Variants in TMEM131 observed in about 807,000 individuals in gnomAD.
TMEM131 encodes 2610524E03Rik.
In TMEM131, 66 loss-of-function variants were observed where a neutral mutation model predicts 211.6. The observed-to-expected ratio is 0.31, with a 90% CI of 0.26 to 0.38. TMEM131 has a LOEUF of 0.38. TMEM131 is among the 10% of genes least tolerant of loss of function. The pLI is 1.00. For missense variants in TMEM131, 2,036 were observed against 2,299.3 expected (o/e 0.89, Z 2.34); for synonymous variants, 844 against 841.3 (o/e 1.00, Z -0.06).
chr2:97,923,375 C>T (rs1230787340), intron 2 of TMEM131, among the ~76,000 whole-genome samples: 1 of 152,088 alleles, frequency 6.6e-6, no homozygotes, highest in East Asian at 1.9e-4. Flanking sequence ...ATAATCCTAG[C>T]ATTTTGGGAG....
At chr2:97,841,527 C>T (rs941441844) in intron 7 of TMEM131, among the ~76,000 whole-genome samples, 2 of 152,144 alleles carry the variant, frequency 1.3e-5, no homozygotes, top group African/African-American at 4.8e-5. Flanking sequence ...TAGCTAAAAA[C>T]TCTTCTTTAA....
At chr2:97,899,769 T>C (rs909763018) in intron 3 of TMEM131, among the ~76,000 whole-genome samples, 5 of 152,114 alleles carry the variant, frequency 3.3e-5, no homozygotes, top group East Asian at 3.8e-4. Context: ...CTTTCCCTAT[T>C]TGACAAGTGA....
At chr2:97,818,882 A>G (rs1681978264) in intron 11 of TMEM131, among the ~76,000 whole-genome samples, 161 bp from the exon 12 acceptor site, 1 of 152,240 alleles carries the variant, frequency 6.6e-6, no homozygotes, top group Admixed American at 6.5e-5. Flanking sequence ...ACACTGGAAA[A>G]CTTCAAATTA....
chr2:97,909,249 G>A (rs1224460131), intron 2 of TMEM131, among the ~76,000 whole-genome samples: 2 of 152,138 alleles, frequency 1.3e-5, no homozygotes, highest in Non-Finnish European at 2.9e-5. Context: ...AAGCAGTGTG[G>A]CAGTGGGATG....
intron 2 of TMEM131, among the ~76,000 whole-genome samples, chr2:97,921,453 C>A (rs1676737050): frequency 1.3e-5 from 2 of 150,592 alleles, no homozygotes; most frequent in South Asian, 4.2e-4. Context: ...TTGAACAAGA[C>A]ACAAAATAAA....
At chr2:97,857,910 A>C (rs961129713) in intron 5 of TMEM131, among the ~76,000 whole-genome samples, 3 of 152,246 alleles carry the variant, frequency 2.0e-5, no homozygotes, top group Admixed American at 2.0e-4. Context: ...CTTTTAGATA[A>C]CAAAGAATAA....
At chr2:97,972,558 A>C (rs1365759991) in intron 1 of TMEM131, among the ~76,000 whole-genome samples, 4 of 151,978 alleles carry the variant, frequency 2.6e-5, no homozygotes, top group African/African-American at 7.3e-5. Flanking sequence ...AAAAACCATC[A>C]ATCTGTGGTG....
chr2:97,922,076 G>C (rs568275368), intron 2 of TMEM131, among the ~76,000 whole-genome samples: 1 of 152,170 alleles, frequency 6.6e-6, no homozygotes, highest in Non-Finnish European at 1.5e-5. Flanking sequence ...TTCCATGGAT[G>C]GGGGGTTAGC....
chr2:97,925,911 C>G (rs1676969260), intron 2 of TMEM131, among the ~76,000 whole-genome samples: 1 of 151,832 alleles, frequency 6.6e-6, no homozygotes, highest in African/African-American at 2.4e-5. Flanking sequence ...GAGATTGAGA[C>G]CATCCTGGCT....
chr2:97,931,363 T>G lies in TMEM131; in HGVS notation c.188-3876A>C, dbSNP rs1328041006. Among the ~76,000 whole-genome samples, 6 of 149,034 alleles carry G rather than the reference T, an allele frequency of 4.0e-5. 1 individual carries two copies. Among genetic ancestry groups the G allele is most frequent in the Admixed American group, 4.0e-4 (6 of 15,178 alleles). On this transcript the variant is annotated intron_variant, in intron 1 of 40. Transcript: ENST00000186436. ...GTCAGTTGTTTCAAAATAGGAACACTTGCTTTCAAAACAGAAGTTCACAAA... is the reference window on the plus strand; with the variant it reads ...GTCAGTTGTTTCAAAATAGGAACACGTGCTTTCAAAACAGAAGTTCACAAA...
At chr2:97,959,924 A>G (rs1298523469) in intron 1 of TMEM131, among the ~76,000 whole-genome samples, 1 of 152,172 alleles carries the variant, frequency 6.6e-6, no homozygotes, top group Non-Finnish European at 1.5e-5. Flanking sequence ...GAGAATCAAG[A>G]CCTAGTGTTT....
At chr2:97,964,329 C>T (rs1184251377) in intron 1 of TMEM131, among the ~76,000 whole-genome samples, 1 of 152,188 alleles carries the variant, frequency 6.6e-6, no homozygotes, top group East Asian at 1.9e-4. Context: ...TGTTTCCTTG[C>T]AATTTTGCTC....
At chr2:97,956,494 GATTTT>G (rs1037110455) in intron 1 of TMEM131, among the ~76,000 whole-genome samples, 5 of 151,496 alleles carry the variant, frequency 3.3e-5, no homozygotes, top group African/African-American at 1.2e-4. Flanking sequence ...TTAAAATTTC[GATTTT>G]TTTTCAAGGA....
At chr2:97,783,096 T>G (rs532297592) in intron 31 of TMEM131, among the ~76,000 whole-genome samples, 1 of 152,034 alleles carries the variant, frequency 6.6e-6, no homozygotes, top group South Asian at 2.1e-4. Context: ...AAATGACACA[T>G]TATCTATAAG....
chr2:97,982,951 T>G (rs933821165), intron 1 of TMEM131, among the ~76,000 whole-genome samples: 7 of 152,126 alleles, frequency 4.6e-5, no homozygotes, highest in Admixed American at 1.3e-4. Context: ...CACACAAATG[T>G]TTCTTGTAAT....
At chr2:97,978,081 G>C (rs967347976) in intron 1 of TMEM131, among the ~76,000 whole-genome samples, 1 of 151,790 alleles carries the variant, frequency 6.6e-6, no homozygotes, top group African/African-American at 2.4e-5. Flanking sequence ...AGCAAGACTC[G>C]GTCTTGGGGA....
chr2:97,766,735 C>T (rs1679187980), intron 33 of TMEM131, 133 bp from the exon 34 acceptor site: 1 of 1,075,586 alleles, frequency 9.3e-7, no homozygotes, highest in Admixed American at 2.2e-5. Flanking sequence ...GCGTTATCTA[C>T]CCTTGGTCCT....
intron 11 of TMEM131, chr2:97,827,116 T>A: frequency 4.3e-6 from 2 of 467,996 alleles, no homozygotes; most frequent in South Asian, 2.9e-5. Flanking sequence ...ACTTACAAGG[T>A]TTTCAACAAA....
intron 1 of TMEM131, among the ~76,000 whole-genome samples, chr2:97,991,709 T>C (rs1004472170): frequency 6.6e-6 from 1 of 152,016 alleles, no homozygotes; most frequent in Admixed American, 6.6e-5. Context: ...AATTCAGCTG[T>C]AGGAAAAGGG....
Sources: allele counts gnomAD v4.1 joint callset (sites outside exome capture counted in the v4.1 genomes callset), GRCh38; gene constraint gnomAD v4.1.1; transcripts MANE v1.5; gene names NCBI Gene and HGNC (gene_info 2026-07-23, HGNC 2026-07-21).